CA10: variants seen among roughly 807,000 people sequenced by gnomAD.
CA10 encodes the protein carbonic anhydrase 10 (inactive), also known as carbonic anhydrase-related protein 10.
A neutral mutation model predicts 44.2 loss-of-function variants in CA10; 14 were observed. The ratio of observed to expected loss-of-function variants is 0.32; its 90% confidence interval spans 0.21 to 0.50. The LOEUF is 0.50. Ranked by LOEUF, CA10 falls within the 20% of genes least tolerant of loss-of-function variation. CA10 has a pLI of 0.99. For synonymous variants in CA10, 159 were observed against 141.6 expected, an observed-to-expected ratio of 1.12 and a Z score of -0.87; for missense variants, 350 against 409.7, an observed-to-expected ratio of 0.85 and a Z score of 1.26.
At chr17:51,905,885 T>C (rs1006145335) in intron 3 of CA10, among the ~76,000 whole-genome samples, 2 of 152,062 alleles carry the variant, frequency 1.3e-5, no homozygotes, top group African/African-American at 2.4e-5. Flanking sequence ...GGCTACTTTA[T>C]CCTCCCACAA....
At chr17:51,887,584 A>T (rs1980665385) in intron 3 of CA10, among the ~76,000 whole-genome samples, 1 of 152,226 alleles carries the variant, frequency 6.6e-6, no homozygotes, top group South Asian at 2.1e-4. Context: ...TGGGTAAGTT[A>T]TTTACCTCAG....
intron 2 of CA10, among the ~76,000 whole-genome samples, chr17:52,059,253 C>A (rs991901109): frequency 6.6e-6 from 1 of 152,104 alleles, no homozygotes; most frequent in Non-Finnish European, 1.5e-5. Context: ...AACTTCCAAA[C>A]CAATCTTAGC....
At chr17:51,795,782 C>T (rs1029933410) in intron 3 of CA10, among the ~76,000 whole-genome samples, 3 of 152,224 alleles carry the variant, frequency 2.0e-5, no homozygotes, top group Non-Finnish European at 4.4e-5. Flanking sequence ...TTCATCCTCA[C>T]TCGTGGTGGT....
intron 2 of CA10, among the ~76,000 whole-genome samples, chr17:52,033,684 A>G (rs1986533662): frequency 6.6e-6 from 1 of 152,162 alleles, no homozygotes; most frequent in Admixed American, 6.6e-5. Context: ...AAGATACCAT[A>G]ACAATAAAGA....
intron 3 of CA10, among the ~76,000 whole-genome samples, chr17:51,905,318 AG>A (rs570056137): frequency 2.5e-4 from 38 of 152,164 alleles, no homozygotes; most frequent in Admixed American, 2.4e-3. Context: ...CTGACCTCAT[AG>A]GCCCATTGTA....
intron 4 of CA10, among the ~76,000 whole-genome samples, chr17:51,731,408 A>G (rs576996393): frequency 6.6e-6 from 1 of 152,156 alleles, no homozygotes; most frequent in Non-Finnish European, 1.5e-5. Context: ...GATTCTGGTC[A>G]ATGAGTAATC....
chr17:51,633,788 C>A, intron 7 of CA10, 138 bp from the exon 8 acceptor site: 2 of 874,852 alleles, frequency 2.3e-6, no homozygotes, highest in East Asian at 2.7e-5. Flanking sequence ...CACAGAGTCC[C>A]TTTTTTCCAT....
chr17:51,859,541 G>C (rs989632255), intron 3 of CA10, among the ~76,000 whole-genome samples: 2 of 152,088 alleles, frequency 1.3e-5, no homozygotes, highest in African/African-American at 4.8e-5. Flanking sequence ...GTGGTACATG[G>C]TTCTCTGTGC....
chr17:51,955,214 C>A (rs1983622513), intron 2 of CA10, among the ~76,000 whole-genome samples: 1 of 152,082 alleles, frequency 6.6e-6, no homozygotes, highest in African/African-American at 2.4e-5. Context: ...TTCTGCATCT[C>A]GAAGTGGTCA....
chr17:51,681,165 ATAAGT>A (rs1914833232), intron 4 of CA10, among the ~76,000 whole-genome samples: 1 of 152,148 alleles, frequency 6.6e-6, no homozygotes. Context: ...GGAAACCTGG[ATAAGT>A]TATTTTAAAT....
chr17:52,046,434 T>G (rs1986914962), intron 2 of CA10, among the ~76,000 whole-genome samples: 2 of 151,820 alleles, frequency 1.3e-5, no homozygotes, highest in Non-Finnish European at 2.9e-5. Flanking sequence ...AAGGATATAA[T>G]GAGTAATGTT....
intron 2 of CA10, among the ~76,000 whole-genome samples, chr17:52,024,064 A>G (rs1381741790): frequency 1.3e-5 from 2 of 152,074 alleles, no homozygotes; most frequent in African/African-American, 4.8e-5. Flanking sequence ...CTCCTACCTT[A>G]TTCTGCACTT....
chr17:52,034,459 T>C (rs1213533781), intron 2 of CA10, among the ~76,000 whole-genome samples: 4 of 152,192 alleles, frequency 2.6e-5, no homozygotes, highest in African/African-American at 7.2e-5. Flanking sequence ...AAGATGTACA[T>C]AGTTGCCTTT....
At chr17:52,057,473 C>G (rs1987262051) in intron 2 of CA10, among the ~76,000 whole-genome samples, 1 of 152,000 alleles carries the variant, frequency 6.6e-6, no homozygotes, top group African/African-American at 2.4e-5. Context: ...TGTAAGAATA[C>G]AGTATTTAAT....
At chr17:51,844,374 C>G (rs1199925154) in intron 3 of CA10, among the ~76,000 whole-genome samples, 1 of 152,100 alleles carries the variant, frequency 6.6e-6, no homozygotes, top group Non-Finnish European at 1.5e-5. Context: ...TGAAACATGA[C>G]AATTTATCCT....
At chr17:51,730,036 C>G (rs746075160) in intron 4 of CA10, among the ~76,000 whole-genome samples, 15 of 152,186 alleles carry the variant, frequency 9.9e-5, no homozygotes, top group Non-Finnish European at 1.6e-4. Context: ...AGCCAAGAGT[C>G]AAGTCTAAGC....
intron 3 of CA10, among the ~76,000 whole-genome samples, chr17:51,756,134 T>C (rs1905069738): frequency 6.6e-6 from 1 of 151,892 alleles, no homozygotes; most frequent in Non-Finnish European, 1.5e-5. Context: ...ACTATAAAAA[T>C]ACATAACTAT....
intron 4 of CA10, among the ~76,000 whole-genome samples, chr17:51,676,932 T>A (rs1473940356): frequency 6.6e-6 from 1 of 152,256 alleles, no homozygotes. Context: ...ACAGAGTCCA[T>A]GGCCACAGAG....
At chr17:52,072,495 C>A in intron 1 of CA10, 102 bp from the exon 2 acceptor site, 1 of 793,410 alleles carries the variant, frequency 1.3e-6, no homozygotes, top group South Asian at 1.7e-5. Flanking sequence ...TAACCCTTTT[C>A]TACCCCAAAG....
Sources: allele counts gnomAD v4.1 joint callset (sites outside exome capture counted in the v4.1 genomes callset), GRCh38; gene constraint gnomAD v4.1.1; transcripts MANE v1.5; gene names NCBI Gene and HGNC (gene_info 2026-07-23, HGNC 2026-07-21).